Variants in PARP16 observed in about 807,000 individuals in gnomAD.
PARP16 encodes the protein protein mono-ADP-ribosyltransferase PARP16.
A neutral mutation model predicts 35.0 loss-of-function variants in PARP16; 31 were observed. The observed-to-expected ratio is 0.88, with a 90% CI of 0.66 to 1.19. The LOEUF (loss-of-function observed/expected upper bound fraction) is 1.19. Ranked by LOEUF, PARP16 falls within the 50% of genes most tolerant of loss-of-function variation. The pLI, the probability that PARP16 is intolerant of heterozygous loss-of-function variation, is 0.00. For missense variants in PARP16, 424 were observed against 411.2 expected (o/e 1.03, Z -0.27); for synonymous variants, 162 against 169.5 (o/e 0.96, Z 0.34).
At chr15:65,262,070 T>C (rs1218288281) in intron 4 of PARP16, among the ~76,000 whole-genome samples, 1 of 152,028 alleles carries the variant, frequency 6.6e-6, no homozygotes, top group Non-Finnish European at 1.5e-5. Context: ...TGTTTTACAT[T>C]AGAGGCCAGA....
At chr15:65,265,330 TTC>T (rs1351771841) in intron 3 of PARP16, among the ~76,000 whole-genome samples, 1 of 152,224 alleles carries the variant, frequency 6.6e-6, no homozygotes, top group Non-Finnish European at 1.5e-5. Flanking sequence ...ACTGTTTTAA[TTC>T]TCTGACATAT....
intron 3 of PARP16, among the ~76,000 whole-genome samples, chr15:65,236,317 T>C (rs2088877253): frequency 6.6e-6 from 1 of 152,202 alleles, no homozygotes; most frequent in Admixed American, 6.5e-5. Flanking sequence ...ATGTACACAA[T>C]TATGAACTTT....
At chr15:65,239,974 T>TTTTTTA (rs71136329) in intron 3 of PARP16, among the ~76,000 whole-genome samples, 2 of 142,456 alleles carry the variant, frequency 1.4e-5, no homozygotes, top group African/African-American at 2.7e-5. Context: ...TTTTTTTTTT[T>TTTTTTA]AAATACAGGG....
intron 1 of PARP16, among the ~76,000 whole-genome samples, chr15:65,271,917 G>A (rs897706020): frequency 1.3e-5 from 2 of 152,172 alleles, no homozygotes; most frequent in Non-Finnish European, 2.9e-5. Flanking sequence ...CATGGTACAC[G>A]GCATCTGGCC....
Position 65,236,239 on chromosome 15 carries a change from T to C in PARP16, c.*98-1416A>G, listed in dbSNP as rs180683925. 1.6e-4 allele frequency among the ~76,000 whole-genome samples: 24 copies of C among 152,334 alleles called. No individual in the cohort carries two copies. The East Asian group carries it at 4.4e-3, about 28-fold the overall frequency. ...AAGGCACTTAGAATAGAACGGTGAA[T>C]ACTACAAACCCTGTGGTGCTTACAG... is the stretch of plus-strand genomic sequence containing the variant. On this transcript the variant is annotated intron_variant and NMD_transcript_variant, in intron 3 of 3. Transcript: ENST00000559805.
chr15:65,262,134 CTT>C (rs958810685), intron 4 of PARP16, among the ~76,000 whole-genome samples: 33 of 132,176 alleles, frequency 2.5e-4, no homozygotes, highest in Admixed American at 3.8e-4. Flanking sequence ...TTTTTTCTTT[CTT>C]TTTTTTTTTT....
chr15:65,278,133 C>T (rs145805400), intron 1 of PARP16, among the ~76,000 whole-genome samples: 1 of 152,246 alleles, frequency 6.6e-6, no homozygotes, highest in Non-Finnish European at 1.5e-5. Flanking sequence ...CAAATGTCCC[C>T]CAGGGCCCGA....
chr15:65,253,060 G>A lies in PARP16; in HGVS notation c.203-4832C>T, dbSNP rs374388934. Among the ~76,000 whole-genome samples, 18 of 151,686 alleles carry A rather than the reference G, an allele frequency of 1.2e-4. No individual in the cohort carries two copies. In the East Asian group the frequency reaches 3.5e-3, roughly 30 times the overall value. On this transcript the variant is annotated intron_variant and NMD_transcript_variant, in intron 2 of 3. Coordinates refer to the PARP16 transcript ENST00000559805. ...TAGGAGAATCACTTGAACCTGGGAG[G>A]TGGATGTAGTAGCGGTGAGCCGAGA... is the stretch of plus-strand genomic sequence containing the variant.
intron 2 of PARP16, among the ~76,000 whole-genome samples, chr15:65,267,982 C>G (rs532896302): frequency 1.3e-5 from 2 of 151,988 alleles, no homozygotes; most frequent in Admixed American, 1.3e-4. Context: ...TGAGCCACCA[C>G]GCCCGGCCAC....
chr15:65,263,867 T>G (rs755676181), intron 3 of PARP16, among the ~76,000 whole-genome samples: 6 of 152,114 alleles, frequency 3.9e-5, no homozygotes, highest in Admixed American at 6.5e-5. Flanking sequence ...GCAGTAGGCA[T>G]GGTTACTCTG....
chr15:65,275,240 A>T lies in PARP16; in HGVS notation c.175-4168T>A, dbSNP rs11637337. On this transcript the variant is annotated intron_variant, in intron 1 of 5. Coordinates refer to ENST00000649807, the MANE Select transcript of PARP16 (RefSeq NM_001316943.2). ...GGTGGGGTTGGGACCAGCTTCACAG[A>T]GGAGGTACTGTATGATCTGGGTTTG... Among the ~76,000 whole-genome samples the T allele has an allele frequency of 4.5e-3, 678 of 152,264 alleles. 7 individuals are homozygous for T. Among genetic ancestry groups the T allele is most frequent in the Non-Finnish European group, 7.2e-3 (491 of 68,024 alleles).
At chr15:65,272,504 C>T (rs2090125904) in intron 1 of PARP16, among the ~76,000 whole-genome samples, 1 of 152,136 alleles carries the variant, frequency 6.6e-6, no homozygotes, top group South Asian at 2.1e-4. Context: ...CAACCCCTTA[C>T]CATCCCCTCC....
chr15:65,247,798 C>CTTTTTTT (rs930896140), intron 3 of PARP16, among the ~76,000 whole-genome samples: 4 of 90,982 alleles, frequency 4.4e-5, no homozygotes, highest in Admixed American at 1.3e-4. Context: ...ATGGATTGTT[C>CTTTTTTT]TTTTTTTTTT....
chr15:65,261,711 G>A (rs2089724784), intron 4 of PARP16, among the ~76,000 whole-genome samples: 1 of 152,082 alleles, frequency 6.6e-6, no homozygotes, highest in Non-Finnish European at 1.5e-5. Flanking sequence ...GCCTGCCTCA[G>A]CCTCCCAAAG....
Position 65,286,333 on chromosome 15 carries a change from G to A in PARP16, c.94C>T (p.Gln32Ter), listed in dbSNP as rs1461783930. Reference sequence around the variant, plus strand: ...AGCACCGAGTCGCGCTTGTAGCTCTGCAGGGCCGAGGCGAAGAGGCTGCAC... The same window carrying A: ...AGCACCGAGTCGCGCTTGTAGCTCTACAGGGCCGAGGCGAAGAGGCTGCAC... ...LRCSLFASAL[Q>*]SYKRDSVLRP... The change falls in exon 1 of 6, where the codon CAG (glutamine) becomes TAG (stop). Residue 32 changes from glutamine to a stop codon, truncating the protein, a stop_gained. Coordinates refer to ENST00000649807, the MANE Select transcript of PARP16 (RefSeq NM_001316943.2). LOFTEE classifies it high-confidence loss of function. 2 of 1,603,906 alleles carry A rather than the reference G, an allele frequency of 1.2e-6. No homozygotes were observed. Among genetic ancestry groups the A allele is most frequent in the Non-Finnish European group, 1.7e-6 (2 of 1,176,542 alleles).
In PARP16 at chr15:65,263,246, A is replaced by G. The variant is rs777985800; in HGVS notation, c.594T>C (p.His198=). ...SLALIYSPHG[H]GWQHSLLGPI... Reference sequence around the variant, plus strand: ...GGCCGAGGAGGCTGTGCTGCCACCCATGGCCATGGGGGCTGTATATGAGGG... The same window carrying G: ...GGCCGAGGAGGCTGTGCTGCCACCCGTGGCCATGGGGGCTGTATATGAGGG... Residue 198 remains histidine (H), a synonymous_variant, in exon 4 of 6, where the codon CAT becomes CAC. Transcript: ENST00000649807. The G allele has an allele frequency of 1.9e-6, 3 of 1,613,934 alleles. No homozygotes were observed. The highest frequency in any genetic ancestry group is 4.5e-5 in the East Asian group (2 of 44,892).
chr15:65,250,797 G>C (rs983415563), intron 2 of PARP16, among the ~76,000 whole-genome samples: 1 of 152,148 alleles, frequency 6.6e-6, no homozygotes, highest in African/African-American at 2.4e-5. Flanking sequence ...GCTGACCGAA[G>C]GAGGCCCCTT....
At chr15:65,241,799 C>G (rs1224520215) in intron 3 of PARP16, among the ~76,000 whole-genome samples, 2 of 151,880 alleles carry the variant, frequency 1.3e-5, no homozygotes, top group African/African-American at 4.8e-5. Flanking sequence ...ATTCTAGATA[C>G]AAGTCCTTTG....
chr15:65,262,137 T>C (rs890699731), intron 4 of PARP16, among the ~76,000 whole-genome samples: 2 of 149,044 alleles, frequency 1.3e-5, no homozygotes, highest in African/African-American at 2.4e-5. Flanking sequence ...TTTCTTTCTT[T>C]TTTTTTTTTT....
Sources: allele counts gnomAD v4.1 joint callset (sites outside exome capture counted in the v4.1 genomes callset), GRCh38; gene constraint gnomAD v4.1.1; transcripts MANE v1.5; gene names NCBI Gene and HGNC (gene_info 2026-07-23, HGNC 2026-07-21).